LPP: variants seen among roughly 807,000 people sequenced by gnomAD.
The protein encoded by LPP is lipoma-preferred partner.
A neutral mutation model predicts 60.4 loss-of-function variants in LPP; 38 were observed. The ratio of observed to expected loss-of-function variants is 0.63; its 90% CI spans 0.49 to 0.83. The LOEUF (loss-of-function observed/expected upper bound fraction) is 0.83. Ranked by LOEUF, LPP falls within the 40% of genes least tolerant of loss-of-function variation. LPP has a pLI of 0.00. For synonymous variants in LPP, 328 were observed against 290.8 expected (o/e 1.13, Z -1.30); for missense variants, 902 against 783.6 (o/e 1.15, Z -1.80).
At chr3:188,708,791 G>A (rs1358549401) in intron 8 of LPP, 2 of 254,760 alleles carry the variant, frequency 7.9e-6, no homozygotes, top group Non-Finnish European at 1.5e-5. Flanking sequence ...CTGGGAGGTC[G>A]AGGCTGCAGT....
Position 188,217,140 on chromosome 3 carries a change from G to T in LPP, c.-189-8265G>T, listed in dbSNP as rs1713958418. Among the ~76,000 whole-genome samples the T allele has an allele frequency of 2.0e-5, 3 of 152,196 alleles. No individual in the cohort carries two copies. The highest frequency in any genetic ancestry group is 4.4e-5 in the Non-Finnish European group (3 of 68,038). On this transcript the variant is annotated intron_variant, in intron 1 of 11. Transcript: ENST00000617246. This position sits in a 1 kb window ranked among gnomAD's most constrained non-coding sequence, Gnocchi z 4.0. Reference sequence around the variant, plus strand: ...AAGAGGGACTGATAAGTAACCCAAGGGAGGAGTCACAAAGGGCATTCTGAC... The same window carrying T: ...AAGAGGGACTGATAAGTAACCCAAGTGAGGAGTCACAAAGGGCATTCTGAC...
At chr3:188,564,356 G>A (rs183604570) in intron 6 of LPP, among the ~76,000 whole-genome samples, 1 of 152,088 alleles carries the variant, frequency 6.6e-6, no homozygotes, top group Admixed American at 6.6e-5. Context: ...AGATCGCAGA[G>A]GAGCATCCTC....
chr3:188,873,967 T>TAATGGTAAAGGGTAAA (rs943650442), intron 11 of LPP, among the ~76,000 whole-genome samples: 4 of 152,056 alleles, frequency 2.6e-5, no homozygotes, highest in African/African-American at 9.7e-5. Context: ...ATCCTTAAAC[T>TAATGGTAAAGGGTAAA]AATGGTAAAG....
At chr3:188,367,212 G>C (rs113884293) in intron 3 of LPP, among the ~76,000 whole-genome samples, 1 of 151,694 alleles carries the variant, frequency 6.6e-6, no homozygotes, top group African/African-American at 2.4e-5. Context: ...TTGATTCTTA[G>C]TTAAGCCTAT....
intron 9 of LPP, among the ~76,000 whole-genome samples, chr3:188,777,769 G>A (rs1738307274): frequency 6.6e-6 from 1 of 152,134 alleles, no homozygotes; most frequent in Non-Finnish European, 1.5e-5. Context: ...CCAGAACACT[G>A]GAGAGATTTT....
intron 4 of LPP, among the ~76,000 whole-genome samples, chr3:188,466,478 G>GC (rs1800408390): frequency 6.6e-6 from 1 of 151,958 alleles, no homozygotes; most frequent in Non-Finnish European, 1.5e-5. Flanking sequence ...GATTAATAAA[G>GC]CTTGTATCTT....
chr3:188,364,353 ATACT>A (rs1182410463), intron 3 of LPP, among the ~76,000 whole-genome samples: 1 of 152,068 alleles, frequency 6.6e-6, no homozygotes, highest in Non-Finnish European at 1.5e-5. Context: ...TTCTTATTTG[ATACT>A]TATTTATATA....
Position 188,371,613 on chromosome 3 carries a change from GAA to G in LPP, c.-10+29897_-10+29898del, listed in dbSNP as rs1336563411. On this transcript the variant is annotated intron_variant, in intron 3 of 11. Coordinates refer to ENST00000617246, the MANE Select transcript of LPP (RefSeq NM_001375462.1). ...CCACAGAGGAAAGACTGAGTGGTGG[GAA>G]AATATATATATATATATATATATAT... Among the ~76,000 whole-genome samples the G allele has an allele frequency of 3.5e-4, 17 of 48,638 alleles. 1 individual carries two copies. The highest frequency in any genetic ancestry group is 8.1e-4 in the African/African-American group (14 of 17,292). 31.9% of individuals were successfully genotyped at this position (48,638 alleles called of 152,430 possible). A position where few individuals can be genotyped will look rare whatever the true frequency, so the allele number is the denominator to read the frequency against.
At chr3:188,486,339 C>G (rs1806510687) in intron 5 of LPP, among the ~76,000 whole-genome samples, 1 of 151,952 alleles carries the variant, frequency 6.6e-6, no homozygotes, top group Non-Finnish European at 1.5e-5. Context: ...AATGTTATAG[C>G]AAAAAAGACA....
chr3:188,746,497 A>G (rs144120126), intron 8 of LPP: 3 of 486,116 alleles, frequency 6.2e-6, no homozygotes, highest in Non-Finnish European at 1.2e-5. Context: ...GAATGCTGAT[A>G]ATGCCAAGCT....
intron 6 of LPP, among the ~76,000 whole-genome samples, chr3:188,541,128 GCCTATTGA>G (rs1825045254): frequency 6.6e-6 from 1 of 152,136 alleles, no homozygotes; most frequent in South Asian, 2.1e-4. Context: ...CCTATCATTG[GCCTATTGA>G]TGTAAGTTAT....
intron 8 of LPP, among the ~76,000 whole-genome samples, chr3:188,721,209 A>G (rs1008206998): frequency 2.0e-5 from 3 of 152,104 alleles, no homozygotes; most frequent in African/African-American, 7.2e-5. Context: ...TTGAAGTACT[A>G]AGTTGCTTCT....
intron 2 of LPP, among the ~76,000 whole-genome samples, chr3:188,245,893 T>G (rs1236191324): frequency 6.6e-6 from 1 of 152,180 alleles, no homozygotes; most frequent in Non-Finnish European, 1.5e-5. Flanking sequence ...TGTACTACCC[T>G]CACTGTTTTC....
chr3:188,701,081 A>G (rs1024405685), intron 7 of LPP, among the ~76,000 whole-genome samples: 1 of 152,232 alleles, frequency 6.6e-6, no homozygotes, highest in African/African-American at 2.4e-5. Context: ...TTCTATGTAA[A>G]TGTATAATCA....
chr3:188,787,589 C>T (rs1742356293), intron 9 of LPP, among the ~76,000 whole-genome samples: 1 of 152,080 alleles, frequency 6.6e-6, no homozygotes, highest in South Asian at 2.1e-4. Flanking sequence ...CTCTTCAGTC[C>T]TTATCATTCT....
At chr3:188,321,039 C>T (rs1358857292) in intron 2 of LPP, among the ~76,000 whole-genome samples, 1 of 152,208 alleles carries the variant, frequency 6.6e-6, no homozygotes, top group African/African-American at 2.4e-5. Flanking sequence ...CTCCCTCTGG[C>T]GTTTGCCATC....
chr3:188,872,420 A>G (rs868399541), intron 10 of LPP, among the ~76,000 whole-genome samples: 1 of 152,214 alleles, frequency 6.6e-6, no homozygotes, highest in Non-Finnish European at 1.5e-5. Flanking sequence ...GATGCTCTTC[A>G]TGCCCAAGCA....
intron 9 of LPP, among the ~76,000 whole-genome samples, chr3:188,849,685 A>T (rs1211824159): frequency 6.6e-6 from 1 of 152,106 alleles, no homozygotes; most frequent in African/African-American, 2.4e-5. Context: ...AAAAAAATCT[A>T]TGCTTTGATT....
At chr3:188,811,809 G>T (rs527392871) in intron 9 of LPP, among the ~76,000 whole-genome samples, 2 of 152,096 alleles carry the variant, frequency 1.3e-5, no homozygotes, top group Non-Finnish European at 2.9e-5. Context: ...TTGGAACATT[G>T]TGCTTTTGTT....
Sources: gnomAD v4.1 joint callset for allele counts (sites outside exome capture counted in the v4.1 genomes callset) on GRCh38, gnomAD v4.1.1 for gene constraint, Gnocchi (gnomAD v3.1) non-coding constraint, MANE v1.5 for transcripts, NCBI Gene and HGNC (gene_info 2026-07-23, HGNC 2026-07-21) for gene names.